The following KIRREL1 variants were observed in gnomAD, a reference collection of about 807,000 sequenced individuals.
KIRREL1 encodes the protein kirre like nephrin family adhesion molecule 1.
KIRREL1 carries 25 observed loss-of-function variants against 83.3 expected under a neutral mutation model. That is an observed-to-expected ratio of 0.30 (90% CI 0.22 to 0.42). The LOEUF (loss-of-function observed/expected upper bound fraction) is 0.42. KIRREL1 is among the 10% of genes least tolerant of loss of function. The probability of loss-of-function intolerance (pLI) is 1.00; values close to 1 mark genes in which losing one functional copy is unlikely to be tolerated. For missense variants in KIRREL1, 812 were observed against 1,032.3 expected, an observed-to-expected ratio of 0.79 and a Z score of 2.92; for synonymous variants, 388 against 410.4, an observed-to-expected ratio of 0.95 and a Z score of 0.66.
At position 158,093,739 on chromosome 1, in the gene KIRREL1, C is replaced by T. The variant is rs1274325146; in HGVS notation, c.1696C>T (p.Arg566Trp). The T allele has an allele frequency of 3.7e-6, 6 of 1,614,064 alleles. No homozygotes were observed. The highest frequency in any genetic ancestry group is 5.1e-6 in the Non-Finnish European group (6 of 1,180,030). Reference protein sequence around the residue: ...DDTASVSTATRVMKAIYSSFK... With the variant: ...DDTASVSTATWVMKAIYSSFK... ...CACCGCCAGCGTCTCCACAGCAACC[C>T]GGGTCATGAAGGCCATCTACTCGGT... Residue 566 changes from arginine to tryptophan, a missense_variant, in exon 13 of 15, where the codon CGG (arginine) becomes TGG (tryptophan). Arg to Trp is a moderately radical substitution (Grantham distance 101). This residue lies in a region of KIRREL1 where 334 missense variants were observed against 383.7 expected (regional missense o/e 0.87). Coordinates refer to ENST00000359209, the MANE Select transcript of KIRREL1 (RefSeq NM_018240.7).
At chr1:158,035,413 G>T (rs905225398) in intron 1 of KIRREL1, among the ~76,000 whole-genome samples, 1 of 152,056 alleles carries the variant, frequency 6.6e-6, no homozygotes, top group African/African-American at 2.4e-5. Context: ...GAGGGTCCAG[G>T]GTATCAGGAT....
intron 1 of KIRREL1, among the ~76,000 whole-genome samples, chr1:158,031,340 C>T (rs1006975745): frequency 9.3e-5 from 14 of 151,196 alleles, no homozygotes; most frequent in African/African-American, 2.4e-4. Context: ...CACACACGCG[C>T]GTGCACACAC....
chr1:158,050,645 TGGGAACTG>T, intron 1 of KIRREL1, among the ~76,000 whole-genome samples: 1 of 152,156 alleles, frequency 6.6e-6, no homozygotes, highest in East Asian at 1.9e-4. Flanking sequence ...TAACCATGAA[TGGGAACTG>T]GGGAGGAAAA....
intron 1 of KIRREL1, among the ~76,000 whole-genome samples, chr1:157,997,581 C>A (rs542068466): frequency 1.3e-5 from 2 of 152,026 alleles, no homozygotes; most frequent in Non-Finnish European, 2.9e-5. Flanking sequence ...TTGTGGCAGA[C>A]CCAGAAGGGG....
intron 3 of KIRREL1, 50 bp downstream of exon 3, chr1:158,078,190 C>G: frequency 1.9e-6 from 3 of 1,579,456 alleles, no homozygotes; most frequent in Non-Finnish European, 2.6e-6. Flanking sequence ...CTCTCTGTAT[C>G]CTGGCAGTCT....
intron 4 of KIRREL1, among the ~76,000 whole-genome samples, chr1:158,086,293 C>T (rs1380902652): frequency 3.9e-5 from 6 of 152,224 alleles, no homozygotes; most frequent in Admixed American, 6.5e-5. Context: ...CTCCTGTAGT[C>T]GCTGCTACTC....
Position 158,056,546 on chromosome 1 carries a change from C to T in KIRREL1, c.53-19567C>T, listed in dbSNP as rs877871. ...TGGGGCTTAGGAAAAAGAGGAGCAC[C>T]CAGCACCTGCCCCAGGTGTGTGCCT... On this transcript the variant is annotated intron_variant, in intron 1 of 14. Transcript: ENST00000359209. Among the ~76,000 whole-genome samples, 520 of 152,238 alleles carry T rather than the reference C, an allele frequency of 3.4e-3. 15 individuals carry two copies. The highest frequency in any genetic ancestry group is 0.032 in the Admixed American group (493 of 15,288).
chr1:158,075,967 G>A (rs545257283), intron 1 of KIRREL1, 146 bp from the exon 2 acceptor site: 3 of 684,932 alleles, frequency 4.4e-6, no homozygotes, highest in Non-Finnish European at 7.2e-6. Flanking sequence ...TGAAACAAAG[G>A]GGTTGAGGCT....
intron 1 of KIRREL1, among the ~76,000 whole-genome samples, chr1:158,034,290 A>AAAG (rs1557997267): frequency 4.0e-5 from 6 of 151,536 alleles, no homozygotes; most frequent in African/African-American, 9.7e-5. Context: ...AAAAAAAGAA[A>AAAG]AAAAGAAAAT....
intron 1 of KIRREL1, among the ~76,000 whole-genome samples, chr1:158,056,240 G>A (rs116854388): frequency 5.3e-5 from 8 of 152,256 alleles, no homozygotes; most frequent in South Asian, 4.2e-4. Context: ...CTTCCAGGGC[G>A]CTCTTTCCCC....
intron 1 of KIRREL1, among the ~76,000 whole-genome samples, chr1:158,065,990 T>C (rs1422588613): frequency 1.3e-5 from 2 of 152,138 alleles, no homozygotes; most frequent in Non-Finnish European, 2.9e-5. Context: ...AACCTTCTTT[T>C]CCATAACTCC....
intron 1 of KIRREL1, among the ~76,000 whole-genome samples, chr1:158,024,270 ATTTTTTTTTTT>A (rs67318767): frequency 1.4e-5 from 1 of 70,012 alleles, no homozygotes; most frequent in Non-Finnish European, 2.8e-5. Context: ...TTGTTGTTGT[ATTTTTTTTTTT>A]TTTTTTTTTT....
chr1:158,038,061 G>A (rs1402721045), intron 1 of KIRREL1, among the ~76,000 whole-genome samples: 3 of 152,188 alleles, frequency 2.0e-5, no homozygotes, highest in African/African-American at 7.2e-5. Context: ...CTGTGCCCAC[G>A]ACCTTCCTGG....
At position 158,095,371 on chromosome 1, in the gene KIRREL1, C is replaced by T. The variant is rs1662329904; in HGVS notation, c.*251C>T. 2.3e-6 allele frequency: 1 copy of T among 434,784 alleles called. No homozygotes were observed. Among genetic ancestry groups the T allele is most frequent in the Admixed American group, 4.0e-5 (1 of 24,744 alleles). 26.9% of individuals were successfully genotyped at this position (434,784 alleles called of 1,614,324 possible). ...GTGTCTCTTCTGACCTGCACTCTTG[C>T]CTGACCCTAGAATGGGGACAGGGAA... On this transcript the variant is annotated 3_prime_UTR_variant, in exon 15 of 15. Transcript: ENST00000359209.
At chr1:158,076,736 C>T (rs1322316294) in intron 2 of KIRREL1, among the ~76,000 whole-genome samples, 2 of 152,254 alleles carry the variant, frequency 1.3e-5, no homozygotes, top group Non-Finnish European at 2.9e-5. Flanking sequence ...GCCAAAAACT[C>T]ATTTTAATAT....
chr1:158,004,881 T>C (rs938532652), intron 1 of KIRREL1, among the ~76,000 whole-genome samples: 11 of 152,116 alleles, frequency 7.2e-5, no homozygotes, highest in Non-Finnish European at 1.5e-5. Flanking sequence ...GAGGCGGAGG[T>C]TGCAGTGAGT....
chr1:158,068,149 G>A (rs1661406414), intron 1 of KIRREL1, among the ~76,000 whole-genome samples: 1 of 152,230 alleles, frequency 6.6e-6, no homozygotes, highest in African/African-American at 2.4e-5. Context: ...CTACTGTTCA[G>A]TGTCTTTTTC....
chr1:158,056,101 A>G (rs1661049658), intron 1 of KIRREL1, among the ~76,000 whole-genome samples: 1 of 152,160 alleles, frequency 6.6e-6, no homozygotes, highest in Admixed American at 6.5e-5. Flanking sequence ...CTGCCCTGCC[A>G]GGGATACACT....
intron 1 of KIRREL1, among the ~76,000 whole-genome samples, chr1:158,049,773 T>C (rs950778650): frequency 6.6e-6 from 1 of 151,978 alleles, no homozygotes; most frequent in Non-Finnish European, 1.5e-5. Flanking sequence ...TTAGGAGGGA[T>C]ATTTAGTGGT....
Sources: gnomAD v4.1 joint callset for allele counts (sites outside exome capture counted in the v4.1 genomes callset) on GRCh38, gnomAD v4.1.1 for gene constraint, gnomAD v4.1.1 regional missense constraint, MANE v1.5 for transcripts, NCBI Gene and HGNC (gene_info 2026-07-23, HGNC 2026-07-21) for gene names.